The following SMG6 variants were observed in gnomAD, a reference collection of about 807,000 sequenced individuals.
The protein encoded by SMG6 is telomerase-binding protein EST1A.
In SMG6, 66 loss-of-function variants were observed where a neutral mutation model predicts 142.2. The observed-to-expected ratio is 0.46, with a 90% CI of 0.38 to 0.57. The LOEUF (loss-of-function observed/expected upper bound fraction) is 0.57, where lower values mean the gene tolerates loss of function less well. Ranked by LOEUF, SMG6 falls within the 20% of genes least tolerant of loss-of-function variation. The pLI is 0.00. For missense variants in SMG6, 1,793 were observed against 1,832.0 expected (o/e 0.98, Z 0.39); for synonymous variants, 779 against 702.4 (o/e 1.11, Z -1.72).
At chr17:2,152,628 C>T (rs747403591) in intron 13 of SMG6, among the ~76,000 whole-genome samples, 26 of 152,038 alleles carry the variant, frequency 1.7e-4, no homozygotes, top group African/African-American at 5.1e-4. Context: ...TAGAGAAATG[C>T]GAATTAAAAT....
At chr17:2,279,823 A>G (rs1396618341) in intron 8 of SMG6, among the ~76,000 whole-genome samples, 2 of 152,138 alleles carry the variant, frequency 1.3e-5, no homozygotes, top group Non-Finnish European at 2.9e-5. Context: ...TGAAGCCTCC[A>G]TGCCTCATCC....
intron 8 of SMG6, among the ~76,000 whole-genome samples, chr17:2,249,017 G>A (rs1412424414): frequency 2.6e-5 from 4 of 151,674 alleles, no homozygotes; most frequent in African/African-American, 9.7e-5. Flanking sequence ...CTCCCAAGTA[G>A]CTGGGACTAC....
intron 4 of SMG6, among the ~76,000 whole-genome samples, 163 bp downstream of exon 4, chr17:2,297,080 T>C (rs1321568120): frequency 2.0e-5 from 3 of 151,588 alleles, no homozygotes; most frequent in African/African-American, 4.8e-5. Flanking sequence ...ACTACCATAG[T>C]ACATATGACA....
intron 13 of SMG6, among the ~76,000 whole-genome samples, chr17:2,099,564 G>A (rs557119044): frequency 1.3e-5 from 2 of 152,196 alleles, no homozygotes; most frequent in East Asian, 3.9e-4. Context: ...CATTCTCTGA[G>A]ATTTGGGCTG....
At chr17:2,097,012 G>A (rs970746760) in intron 13 of SMG6, among the ~76,000 whole-genome samples, 2 of 152,122 alleles carry the variant, frequency 1.3e-5, no homozygotes, top group Non-Finnish European at 2.9e-5. Context: ...CAATCACTCA[G>A]AGCCACAAGA....
chr17:2,254,711 T>C (rs1597718938), intron 8 of SMG6, among the ~76,000 whole-genome samples: 2 of 152,150 alleles, frequency 1.3e-5, no homozygotes, highest in Admixed American at 6.5e-5. Flanking sequence ...CATGGACCCA[T>C]ACATTTATTC....
intron 8 of SMG6, among the ~76,000 whole-genome samples, chr17:2,263,988 G>A (rs1018103241): frequency 6.6e-6 from 1 of 152,010 alleles, no homozygotes; most frequent in Non-Finnish European, 1.5e-5. Flanking sequence ...TAGGAAGTTG[G>A]TGAGAAACGC....
At chr17:2,087,642 G>A in intron 13 of SMG6, 1 of 996,870 alleles carries the variant, frequency 1.0e-6, no homozygotes, top group Non-Finnish European at 1.2e-6. Context: ...AGGGAAGCTT[G>A]TCTTGGCCCA....
chr17:2,216,888 G>C (rs1220408928), intron 10 of SMG6, among the ~76,000 whole-genome samples: 2 of 152,032 alleles, frequency 1.3e-5, no homozygotes, highest in Admixed American at 6.6e-5. Context: ...AGAGTTAGAA[G>C]AATCAGTAAT....
At chr17:2,257,416 T>C (rs2074208950) in intron 8 of SMG6, among the ~76,000 whole-genome samples, 1 of 152,012 alleles carries the variant, frequency 6.6e-6, no homozygotes, top group South Asian at 2.1e-4. Context: ...GTAGCTGGGA[T>C]TATAGACACG....
At chr17:2,087,285 A>G (rs1310513398) in intron 13 of SMG6, 1 of 1,272,630 alleles carries the variant, frequency 7.9e-7, no homozygotes, top group South Asian at 1.3e-5. Flanking sequence ...TGAAGCAGGC[A>G]TGACCCATGT....
At chr17:2,201,593 A>C (rs2072524830) in intron 10 of SMG6, among the ~76,000 whole-genome samples, 1 of 151,020 alleles carries the variant, frequency 6.6e-6, no homozygotes, top group South Asian at 2.1e-4. Flanking sequence ...GCAGGAGAAT[A>C]GCTTGAACCT....
intron 12 of SMG6, among the ~76,000 whole-genome samples, chr17:2,176,860 T>C (rs1176150375): frequency 3.9e-5 from 6 of 152,200 alleles, no homozygotes; most frequent in Non-Finnish European, 8.8e-5. Flanking sequence ...CCTACAGACA[T>C]GCATTCACTT....
chr17:2,063,253 T>C (rs2067837474), intron 18 of SMG6: 1 of 152,256 alleles, frequency 6.6e-6, no homozygotes, highest in Non-Finnish European at 1.5e-5. Flanking sequence ...ACTGGTAACT[T>C]CACTTTGTTA....
chr17:2,172,625 C>G, intron 13 of SMG6, 33 bp downstream of exon 13: 1 of 1,606,368 alleles, frequency 6.2e-7, no homozygotes, highest in Non-Finnish European at 8.5e-7. Flanking sequence ...AGAGGAGGGG[C>G]GAATGGGGAG....
At chr17:2,286,520 C>G (rs2074908690) in intron 6 of SMG6, among the ~76,000 whole-genome samples, 1 of 152,092 alleles carries the variant, frequency 6.6e-6, no homozygotes. Context: ...GTCTCTTCAA[C>G]AAATGGTGCT....
chr17:2,163,961 C>A (rs1448376434), intron 13 of SMG6, among the ~76,000 whole-genome samples: 1 of 151,746 alleles, frequency 6.6e-6, no homozygotes, highest in Non-Finnish European at 1.5e-5. Flanking sequence ...ACTCAAGAGG[C>A]TGAGGCAGGA....
intron 6 of SMG6, among the ~76,000 whole-genome samples, chr17:2,287,046 C>T (rs1282084171): frequency 1.3e-5 from 2 of 151,636 alleles, no homozygotes; most frequent in African/African-American, 2.4e-5. Flanking sequence ...ATTCTCCTGC[C>T]TCAGCCTTCC....
chr17:2,240,112 T>C (rs1373626393), intron 9 of SMG6: 1 of 152,236 alleles, frequency 6.6e-6, no homozygotes, highest in Non-Finnish European at 1.5e-5. Flanking sequence ...CCGAGATGAC[T>C]CTGTCCCTAT....
Sources: gnomAD v4.1 joint callset for allele counts (sites outside exome capture counted in the v4.1 genomes callset) on GRCh38, gnomAD v4.1.1 for gene constraint, MANE v1.5 for transcripts, NCBI Gene and HGNC (gene_info 2026-07-23, HGNC 2026-07-21) for gene names.